Variants in MED14 observed in about 807,000 individuals in gnomAD.
The protein encoded by MED14 is mediator complex subunit 14.
A neutral mutation model predicts 109.0 loss-of-function variants in MED14; 8 were observed. The ratio of observed to expected loss-of-function variants is 0.07; its 90% CI spans 0.04 to 0.13. MED14 has a LOEUF of 0.13. Among genes scored for constraint, MED14 ranks in the 10% least tolerant of loss-of-function variants. The pLI is 1.00. For missense variants in MED14, 711 were observed against 1,142.4 expected (o/e 0.62, Z 5.44); for synonymous variants, 399 against 408.7 (o/e 0.98, Z 0.29).
In MED14 at chrX:40,659,293, G is replaced by A; in HGVS notation, c.3906C>T (p.Phe1302=). The change falls in exon 28 of 31, where the codon TTC becomes TTT. Residue 1302 remains phenylalanine, a synonymous_variant. Coordinates refer to ENST00000324817, the MANE Select transcript of MED14 (RefSeq NM_004229.4). Reference sequence around the variant, plus strand: ...GTGTAGGAGCTCCTAATAGCTTGGTGAAGGCTATTAACGTATTAGCTTTAA... The same window carrying A: ...GTGTAGGAGCTCCTAATAGCTTGGTAAAGGCTATTAACGTATTAGCTTTAA... ...PPFKANTLIA[F]TKLLGAPTHI... 8.6e-7 allele frequency: 1 copy of A among 1,166,858 alleles called. No homozygotes were observed. Among genetic ancestry groups the A allele is most frequent in the Non-Finnish European group, 1.1e-6 (1 of 871,421 alleles).
At chrX:40,714,011 T>A in intron 4 of MED14, 104 bp from the exon 5 acceptor site, 1 of 837,775 alleles carries the variant, frequency 1.2e-6, no homozygotes, top group Non-Finnish European at 1.7e-6. Flanking sequence ...CCTAAGAGAA[T>A]CTTAACACTC....
intron 3 of MED14, among the ~76,000 whole-genome samples, chrX:40,724,761 T>G (rs967756698): frequency 9.0e-6 from 1 of 111,169 alleles, no homozygotes; most frequent in Non-Finnish European, 1.9e-5. Flanking sequence ...TCTTAAAGAC[T>G]ATAAAAGCAA....
At chrX:40,711,099 G>A in intron 8 of MED14, 70 bp downstream of exon 8, 1 of 1,073,464 alleles carries the variant, frequency 9.3e-7, no homozygotes, top group Non-Finnish European at 1.3e-6. Flanking sequence ...TCAGATGTAT[G>A]AGAGAAAAAG....
At chrX:40,701,354 T>C in intron 11 of MED14, 111 bp from the exon 12 acceptor site, 1 of 481,794 alleles carries the variant, frequency 2.1e-6, no homozygotes, top group Admixed American at 4.4e-5. Context: ...AGGCAGAAAA[T>C]CATGTTGTTT....
Position 40,666,796 on chromosome X carries a change from C to T in MED14, c.3189G>A (p.Ala1063=), listed in dbSNP as rs766658356. Residue 1063 remains alanine (A), a synonymous_variant, in exon 24 of 31, where the codon GCG becomes GCA. Transcript: ENST00000324817. The part of the protein sequence containing the change: ...PSGALRAPSP[A]SFVPTPPPSS... ...ATGGGGGAGGAGTTGGAACAAATGA[C>T]GCTGGTGATGGGGCTCTCAAAGCCC... The T allele has an allele frequency of 2.5e-6, 3 of 1,195,948 alleles. No homozygotes were observed. The highest frequency in any genetic ancestry group is 1.8e-5 in the South Asian group (1 of 54,856).
chrX:40,722,803 A>G (rs760713168), intron 3 of MED14, among the ~76,000 whole-genome samples: 45 of 111,736 alleles, frequency 4.0e-4, no homozygotes, highest in Non-Finnish European at 7.2e-4. Context: ...TACAGGCCAG[A>G]AGAGAGTGGC....
chrX:40,714,881 T>G, intron 3 of MED14, 171 bp from the exon 4 acceptor site: 1 of 412,882 alleles, frequency 2.4e-6, no homozygotes, highest in Non-Finnish European at 4.0e-6. Context: ...AAATATTTAA[T>G]ACACTAGTAT....
At chrX:40,715,798 AAAAAAAAAAAAAAAG>A (rs1298480295) in intron 3 of MED14, among the ~76,000 whole-genome samples, 11 of 103,146 alleles carry the variant, frequency 1.1e-4, no homozygotes. Flanking sequence ...AAAAAAAAAA[AAAAAAAAAAAAAAAG>A]GACAGACAAC....
chrX:40,668,861 T>G (rs1008631829), intron 23 of MED14, among the ~76,000 whole-genome samples: 1 of 112,272 alleles, frequency 8.9e-6, no homozygotes, highest in African/African-American at 3.2e-5. Flanking sequence ...AAATATCTTA[T>G]TGTACTATAC....
intron 23 of MED14, among the ~76,000 whole-genome samples, chrX:40,668,837 ATC>A (rs1325707791): frequency 1.8e-5 from 2 of 112,267 alleles, no homozygotes; most frequent in Non-Finnish European, 3.8e-5. Flanking sequence ...TGAATATGGT[ATC>A]TCTCTGTCTC....
At chrX:40,679,792 T>C in intron 21 of MED14, 72 bp downstream of exon 21, 2 of 1,040,946 alleles carry the variant, frequency 1.9e-6, no homozygotes, top group Non-Finnish European at 2.6e-6. Flanking sequence ...TTCCCCATTA[T>C]TTCCCCCTCA....
intron 12 of MED14, among the ~76,000 whole-genome samples, chrX:40,699,172 C>G (rs995401456): frequency 3.6e-5 from 4 of 111,999 alleles, no homozygotes; most frequent in Non-Finnish European, 7.5e-5. Flanking sequence ...CAAAAGACAG[C>G]ATATTTTGAT....
At chrX:40,723,280 T>C (rs1279135427) in intron 3 of MED14, among the ~76,000 whole-genome samples, 2 of 112,122 alleles carry the variant, frequency 1.8e-5, no homozygotes, top group African/African-American at 3.2e-5. Flanking sequence ...TTTTTGTGTG[T>C]TTGTTTATGC....
chrX:40,699,714 G>C (rs1311957468), intron 12 of MED14, among the ~76,000 whole-genome samples: 1 of 111,905 alleles, frequency 8.9e-6, no homozygotes, highest in African/African-American at 3.3e-5. Context: ...TAGCCAAAAT[G>C]CACAATGATG....
At chrX:40,691,159 C>T (rs1351188310) in intron 15 of MED14, among the ~76,000 whole-genome samples, 3 of 112,477 alleles carry the variant, frequency 2.7e-5, no homozygotes, top group Non-Finnish European at 3.8e-5. Context: ...CTCCCTTTCA[C>T]GTTTGAGGAT....
intron 28 of MED14, among the ~76,000 whole-genome samples, chrX:40,658,099 TTGTG>T (rs1299795318): frequency 9.8e-6 from 1 of 101,771 alleles, no homozygotes; most frequent in Non-Finnish European, 2.0e-5. Flanking sequence ...CGGCCTTTTT[TTGTG>T]TGTGTGTGAG....
intron 28 of MED14, 149 bp from the exon 29 acceptor site, chrX:40,655,209 C>CTAT: frequency 1.8e-6 from 1 of 566,769 alleles, no homozygotes; most frequent in Non-Finnish European, 2.8e-6. Flanking sequence ...AAAACAAATA[C>CTAT]ATACATGAAG....
chrX:40,664,187 A>T, intron 25 of MED14, 120 bp downstream of exon 25: 1 of 623,791 alleles, frequency 1.6e-6, no homozygotes, highest in Non-Finnish European at 2.4e-6. Context: ...CATCCTTTGT[A>T]ATATCCTTTA....
chrX:40,662,913 A>G lies in MED14; in HGVS notation c.3684+12T>C. ...AACAATCACCACTTAGAAGGTCATT[A>G]GGTACCCATACCGTTTCTTGTTGAA... is the stretch of plus-strand genomic sequence containing the variant. On this transcript the variant is annotated intron_variant, in intron 26 of 30. Transcript: ENST00000324817. 1.7e-6 allele frequency: 2 copies of G among 1,165,655 alleles called. No homozygotes were observed. The highest frequency in any genetic ancestry group is 1.2e-6 in the Non-Finnish European group (1 of 855,711).
Sources: gnomAD v4.1 joint callset for allele counts (sites outside exome capture counted in the v4.1 genomes callset) on GRCh38, gnomAD v4.1.1 for gene constraint, MANE v1.5 for transcripts, NCBI Gene and HGNC (gene_info 2026-07-23, HGNC 2026-07-21) for gene names.